The following LPA variants were observed in gnomAD, a reference collection of about 807,000 sequenced individuals.
LPA encodes the protein apolipoprotein(a).
LPA carries 199 observed loss-of-function variants against 197.9 expected under a neutral mutation model. That is an observed-to-expected ratio of 1.01 (90% CI 0.90 to 1.13). The LOEUF (loss-of-function observed/expected upper bound fraction) is 1.13, where lower values mean the gene tolerates loss of function less well. LPA is among the 50% of genes most tolerant of loss of function. The pLI is 0.00. For synonymous variants in LPA, 715 were observed against 639.5 expected, an observed-to-expected ratio of 1.12 and a Z score of -1.78; for missense variants, 1,853 against 1,785.8, an observed-to-expected ratio of 1.04 and a Z score of -0.68.
At chr6:160,564,747 C>A (rs1347583707) in intron 28 of LPA, among the ~76,000 whole-genome samples, 1 of 152,160 alleles carries the variant, frequency 6.6e-6, no homozygotes, top group African/African-American at 2.4e-5. Flanking sequence ...CCTTTCCTAG[C>A]CAAGGGAAGC....
chr6:160,548,321 G>A (rs532565840), intron 31 of LPA, among the ~76,000 whole-genome samples, 157 bp downstream of exon 31: 1 of 152,208 alleles, frequency 6.6e-6, no homozygotes, highest in South Asian at 2.1e-4. Flanking sequence ...GGACGGCACT[G>A]AGACTTCCTT....
At chr6:160,574,914 C>A (rs1778627344) in intron 28 of LPA, among the ~76,000 whole-genome samples, 1 of 152,134 alleles carries the variant, frequency 6.6e-6, no homozygotes, top group African/African-American at 2.4e-5. Flanking sequence ...GTCCTGCCTC[C>A]TGTCTGCCAC....
intron 16 of LPA, among the ~76,000 whole-genome samples, chr6:160,609,930 T>C (rs1461606987): frequency 1.3e-5 from 2 of 152,124 alleles, no homozygotes; most frequent in Admixed American, 6.5e-5. Flanking sequence ...GGACATACAG[T>C]AATTTCTTCA....
At chr6:160,611,432 C>T (rs1037782229) in intron 16 of LPA, 130 bp downstream of exon 16, 12 of 1,508,384 alleles carry the variant, frequency 8.0e-6, no homozygotes, top group African/African-American at 2.8e-5. Flanking sequence ...GGAAATCATC[C>T]TGAGACATTT....
chr6:160,592,329 G>A (rs1366187930), intron 22 of LPA, among the ~76,000 whole-genome samples: 1 of 152,126 alleles, frequency 6.6e-6, no homozygotes, highest in African/African-American at 2.4e-5. Context: ...CTGGTTATAA[G>A]GCCATCCAGT....
chr6:160,542,380 A>T (rs1215943535), intron 34 of LPA, among the ~76,000 whole-genome samples: 1 of 152,214 alleles, frequency 6.6e-6, no homozygotes, highest in African/African-American at 2.4e-5. Context: ...GAGACAATGG[A>T]TATCCATAGA....
intron 30 of LPA, among the ~76,000 whole-genome samples, chr6:160,550,055 TA>T (rs1778143430): frequency 2.0e-5 from 3 of 152,152 alleles, no homozygotes; most frequent in Admixed American, 2.0e-4. Context: ...ACCCCGTCTC[TA>T]CTAAAAATAC....
chr6:160,661,213 C>G (rs971008064), intron 1 of LPA, among the ~76,000 whole-genome samples: 1 of 152,322 alleles, frequency 6.6e-6, no homozygotes, highest in East Asian at 1.9e-4. Flanking sequence ...TGAAGATAGC[C>G]AAGCTTCCAT....
intron 28 of LPA, among the ~76,000 whole-genome samples, chr6:160,559,375 G>C (rs1778324715): frequency 6.6e-6 from 1 of 152,186 alleles, no homozygotes; most frequent in Non-Finnish European, 1.5e-5. Flanking sequence ...TAGTATTCAA[G>C]TGTACCAGTA....
chr6:160,586,488 C>T lies in LPA; in HGVS notation c.4090G>A (p.Val1364Met), dbSNP rs1778912670. 1 of 1,613,752 alleles carries T rather than the reference C, an allele frequency of 6.2e-7. No homozygotes were observed. The highest frequency in any genetic ancestry group is 8.5e-7 in the Non-Finnish European group (1 of 1,179,728). ...AGCTCTGTGCTTGGAACTGGGACCA[C>T]CGTGGGAGTTGTGAGGAGAGTTGAT... Reference protein sequence around the residue: ...MESTLLTTPTVVPVPSTELPS... With the variant: ...MESTLLTTPTMVPVPSTELPS... Residue 1364 changes from valine (V) to methionine (M), a missense_variant, in exon 25 of 39, where the codon GTG becomes ATG. Transcript: ENST00000316300.
At chr6:160,582,854 AG>A (rs1302268241) in intron 26 of LPA, among the ~76,000 whole-genome samples, 3 of 152,112 alleles carry the variant, frequency 2.0e-5, no homozygotes, top group African/African-American at 7.2e-5. Flanking sequence ...ATATTTTCAT[AG>A]ATGTCCTTGA....
chr6:160,547,992 T>G, intron 31 of LPA, 55 bp from the exon 32 acceptor site: 1 of 1,580,932 alleles, frequency 6.3e-7, no homozygotes, highest in Non-Finnish European at 8.7e-7. Flanking sequence ...GGCAGCCACA[T>G]AGACCCAGGA....
chr6:160,658,950 T>A (rs1161121849), intron 1 of LPA, among the ~76,000 whole-genome samples: 1 of 152,070 alleles, frequency 6.6e-6, no homozygotes, highest in Admixed American at 6.6e-5. Context: ...TATACCTATA[T>A]CTATCTATAG....
Position 160,537,976 on chromosome 6 carries a change from T to C in LPA, c.5736-15A>G. 1 of 1,611,998 alleles carries C rather than the reference T, an allele frequency of 6.2e-7. No individual in the cohort carries two copies. On this transcript the variant is annotated splice_polypyrimidine_tract_variant and intron_variant, in intron 36 of 38. Transcript: ENST00000316300. ...TGACGGCAGGCCTGTAAGGAAAGTATTAGCAGTTATGTTTCACTGCCCAGC... is the reference window on the plus strand; with the variant it reads ...TGACGGCAGGCCTGTAAGGAAAGTACTAGCAGTTATGTTTCACTGCCCAGC...
intron 30 of LPA, among the ~76,000 whole-genome samples, chr6:160,550,049 C>T (rs1253012826): frequency 2.0e-5 from 3 of 152,146 alleles, no homozygotes; most frequent in African/African-American, 4.8e-5. Context: ...GGCAAAACCC[C>T]GTCTCTACTA....
chr6:160,611,842 T>A, intron 15 of LPA, 121 bp from the exon 16 acceptor site: 9 of 913,960 alleles, frequency 9.8e-6, no homozygotes, highest in East Asian at 3.4e-5. Context: ...TTCCCTTACC[T>A]GTAGGCAGAT....
chr6:160,559,272 T>C (rs905104079), intron 28 of LPA, among the ~76,000 whole-genome samples: 1 of 152,220 alleles, frequency 6.6e-6, no homozygotes, highest in Non-Finnish European at 1.5e-5. Flanking sequence ...GTAAATGATC[T>C]CATGTAAATG....
intron 18 of LPA, among the ~76,000 whole-genome samples, chr6:160,602,935 T>C (rs1779272133): frequency 6.6e-6 from 1 of 152,114 alleles, no homozygotes; most frequent in Admixed American, 6.6e-5. Context: ...AGATGTTTCT[T>C]GTTATTATAT....
intron 28 of LPA, among the ~76,000 whole-genome samples, chr6:160,563,073 C>T (rs1442065373): frequency 6.6e-6 from 1 of 152,092 alleles, no homozygotes; most frequent in Non-Finnish European, 1.5e-5. Flanking sequence ...CCCTTCAGTT[C>T]TGCTCTGATC....
Sources: allele counts gnomAD v4.1 joint callset (sites outside exome capture counted in the v4.1 genomes callset), GRCh38; gene constraint gnomAD v4.1.1; transcripts MANE v1.5; gene names NCBI Gene and HGNC (gene_info 2026-07-23, HGNC 2026-07-21).